RHOBTB1: variants seen among roughly 807,000 people sequenced by gnomAD.
RHOBTB1 encodes the protein rho-related BTB domain-containing protein 1.
RHOBTB1 carries 40 observed loss-of-function variants against 71.6 expected under a neutral mutation model. That is an observed-to-expected ratio of 0.56 (90% CI 0.43 to 0.73). The LOEUF is 0.73. Ranked by LOEUF, RHOBTB1 falls within the 30% of genes least tolerant of loss-of-function variation. The probability of loss-of-function intolerance (pLI) is 0.00; values close to 1 mark genes in which losing one functional copy is unlikely to be tolerated. For synonymous variants in RHOBTB1, 319 were observed against 334.9 expected, an observed-to-expected ratio of 0.95 and a Z score of 0.52; for missense variants, 797 against 894.0, an observed-to-expected ratio of 0.89 and a Z score of 1.38.
At chr10:60,910,808 G>T in intron 4 of RHOBTB1, 79 bp downstream of exon 4, 1 of 1,041,434 alleles carries the variant, frequency 9.6e-7, no homozygotes. Context: ...TGTGGTTTTT[G>T]TTGATTTGTA....
In RHOBTB1 at chr10:60,889,189, A is replaced by G. The variant is rs2081784993; in HGVS notation, c.483-4T>C. ...AATATCCCCTCTCTTTATGGGCCTG[A>G]AATAGAACATTTTAAAAATTATAAT... On this transcript the variant is annotated splice_region_variant and splice_polypyrimidine_tract_variant and intron_variant, in intron 5 of 10. Transcript: ENST00000337910. 4 of 1,586,826 alleles carry G rather than the reference A, an allele frequency of 2.5e-6. No homozygotes were observed. The highest frequency in any genetic ancestry group is 3.4e-6 in the Non-Finnish European group (4 of 1,170,046).
intron 1 of RHOBTB1, among the ~76,000 whole-genome samples, chr10:60,990,631 C>T (rs1298569018): frequency 2.0e-5 from 3 of 152,150 alleles, no homozygotes; most frequent in African/African-American, 4.8e-5. Context: ...TGCTCCTCTG[C>T]CCCCCATGAC....
At chr10:60,884,610 T>A (rs2081481644) in intron 7 of RHOBTB1, among the ~76,000 whole-genome samples, 1 of 152,046 alleles carries the variant, frequency 6.6e-6, no homozygotes, top group South Asian at 2.1e-4. Flanking sequence ...GATGGATGAA[T>A]AAGAAAATGT....
downstream of RHOBTB1, chr10:60,869,376 A>T (rs1013120559): frequency 2.6e-5 from 4 of 152,462 alleles, no homozygotes; most frequent in Non-Finnish European, 5.9e-5. Flanking sequence ...TTGATAATTT[A>T]AAAAAAGCTG....
chr10:60,936,889 C>T lies in RHOBTB1; in HGVS notation c.-11+4915G>A, dbSNP rs560921117. Among the ~76,000 whole-genome samples the T allele has an allele frequency of 1.2e-4, 18 of 152,298 alleles. No individual in the cohort carries two copies. In the South Asian group the frequency reaches 2.3e-3, roughly 19 times the overall value. On this transcript the variant is annotated intron_variant, in intron 2 of 10. Coordinates refer to ENST00000337910, the MANE Select transcript of RHOBTB1 (RefSeq NM_014836.5). ...AACATAGCAGTTGGTGAGTTCTCAG[C>T]ACCTAGCCCCAGTTCAGCCACTTCA...
intron 2 of RHOBTB1, among the ~76,000 whole-genome samples, chr10:60,939,419 A>G (rs1481909352): frequency 6.6e-6 from 1 of 152,228 alleles, no homozygotes; most frequent in Non-Finnish European, 1.5e-5. Context: ...CTAACAAATA[A>G]CTAATCTGTA....
chr10:60,876,496 C>A (rs544811096), intron 8 of RHOBTB1, among the ~76,000 whole-genome samples: 62 of 152,134 alleles, frequency 4.1e-4, no homozygotes, highest in Non-Finnish European at 1.5e-4. Context: ...TGATCACAAA[C>A]CTTGTTGGGC....
intron 7 of RHOBTB1, among the ~76,000 whole-genome samples, chr10:60,883,710 A>T (rs2081435048): frequency 6.6e-6 from 1 of 152,204 alleles, no homozygotes; most frequent in Non-Finnish European, 1.5e-5. Context: ...CACTACCAAC[A>T]ACATCAGAAT....
upstream of RHOBTB1, among the ~76,000 whole-genome samples, chr10:60,948,062 A>C (rs1322691391): frequency 1.3e-5 from 2 of 152,218 alleles, no homozygotes; most frequent in Admixed American, 1.3e-4. Context: ...CCCCTAATGA[A>C]TAATAATGTT....
upstream of RHOBTB1, among the ~76,000 whole-genome samples, chr10:60,948,835 G>A (rs2085319759): frequency 6.6e-6 from 1 of 152,166 alleles, no homozygotes; most frequent in Admixed American, 6.5e-5. Flanking sequence ...GGAAGAGGCT[G>A]GTGACATATT....
At chr10:60,872,447 T>C (rs1365240605) in intron 9 of RHOBTB1, among the ~76,000 whole-genome samples, 157 bp from the exon 10 acceptor site, 1 of 152,244 alleles carries the variant, frequency 6.6e-6, no homozygotes, top group Non-Finnish European at 1.5e-5. Flanking sequence ...ACTTTGGCCA[T>C]GGCTCCAATG....
chr10:60,981,466 T>G (rs537572689), intron 2 of RHOBTB1, among the ~76,000 whole-genome samples: 1 of 152,190 alleles, frequency 6.6e-6, no homozygotes, highest in East Asian at 1.9e-4. Flanking sequence ...GCTTGAAGGT[T>G]GTAAAGCTGA....
the RHOBTB1 span, among the ~76,000 whole-genome samples, chr10:60,861,089 A>G: frequency 0.18 from 27,448 of 152,072 alleles, 2,740 homozygotes; most frequent in African/African-American, 0.27. Context: ...TAAGAGGTAG[A>G]TAATTGGCAG....
intron 1 of RHOBTB1, among the ~76,000 whole-genome samples, chr10:60,999,757 G>A (rs985061849): frequency 2.6e-5 from 4 of 152,220 alleles, no homozygotes; most frequent in African/African-American, 7.2e-5. Context: ...TGCCCTCCCT[G>A]TTAGGGAATG....
intron 6 of RHOBTB1, among the ~76,000 whole-genome samples, chr10:60,886,724 G>T (rs375965857): frequency 1.4e-5 from 2 of 141,420 alleles, no homozygotes. Flanking sequence ...ATGTGGGGGG[G>T]GGTGGGTCTG....
At position 60,897,832 on chromosome 10, in the gene RHOBTB1, G is replaced by A. The variant is rs147502919; in HGVS notation, c.297-4837C>T. Among the ~76,000 whole-genome samples the A allele has an allele frequency of 7.6e-4, 116 of 152,058 alleles. 1 individual carries two copies. The East Asian group carries it at 0.019, about 24-fold the overall frequency. ...AGCAACTCTCCTGCCTCAGCCTCCC[G>A]AGTAGCTGGGATTACAGGCGCATGA... is the stretch of plus-strand genomic sequence containing the variant. On this transcript the variant is annotated intron_variant, in intron 4 of 10. Transcript: ENST00000337910.
chr10:60,952,594 A>G (rs1239617652), intron 2 of RHOBTB1, among the ~76,000 whole-genome samples: 2 of 152,238 alleles, frequency 1.3e-5, no homozygotes, highest in African/African-American at 4.8e-5. Context: ...TAAAGTAGGT[A>G]CTACTGACAG....
chr10:60,926,778 G>T (rs1392792116), intron 2 of RHOBTB1, among the ~76,000 whole-genome samples: 1 of 152,160 alleles, frequency 6.6e-6, no homozygotes, highest in Non-Finnish European at 1.5e-5. Flanking sequence ...GTATCATACT[G>T]AATGAGGAAA....
intron 2 of RHOBTB1, among the ~76,000 whole-genome samples, chr10:60,973,369 C>G (rs1001572914): frequency 1.3e-5 from 2 of 152,056 alleles, no homozygotes; most frequent in Non-Finnish European, 2.9e-5. Flanking sequence ...TTCAAAACAG[C>G]ATCCAAGAGA....
Sources: allele counts gnomAD v4.1 joint callset (sites outside exome capture counted in the v4.1 genomes callset), GRCh38; gene constraint gnomAD v4.1.1; transcripts MANE v1.5; gene names NCBI Gene and HGNC (gene_info 2026-07-23, HGNC 2026-07-21).